The following TMEM63A variants were observed in gnomAD, a reference collection of about 807,000 sequenced individuals.
The protein encoded by TMEM63A is transmembrane protein 63A, also known as mechanosensitive cation channel TMEM63A.
In TMEM63A, 76 loss-of-function variants were observed where a neutral mutation model predicts 100.6. The observed-to-expected ratio is 0.76, with a 90% CI of 0.63 to 0.91. TMEM63A has a LOEUF of 0.91. TMEM63A is among the 40% of genes least tolerant of loss of function. TMEM63A has a pLI of 0.00. For synonymous variants in TMEM63A, 401 were observed against 401.1 expected, an observed-to-expected ratio of 1.00 and a Z score of 0.00; for missense variants, 876 against 1,008.8, an observed-to-expected ratio of 0.87 and a Z score of 1.78.
chr1:225,842,401 G>T, downstream of TMEM63A: 1 of 1,614,102 alleles, frequency 6.2e-7, no homozygotes, highest in Non-Finnish European at 8.5e-7. Flanking sequence ...GGGTCTGGCT[G>T]CCTATATTCT....
Position 225,867,066 on chromosome 1 carries a change from C to T in TMEM63A, c.566+46G>A, listed in dbSNP as rs754991890. ...CCCCGGGCTCCTGACCTGCCTTCTC[C>T]TTGATCTCACCCATCAGCACCTATC... On this transcript the variant is annotated intron_variant, in intron 8 of 24. Transcript: ENST00000366835. This position sits in a 1 kb window ranked among gnomAD's most constrained non-coding sequence, Gnocchi z 4.6. The T allele has an allele frequency of 7.5e-6, 12 of 1,610,462 alleles. No individual in the cohort carries two copies. In the East Asian group the frequency reaches 2.7e-4, roughly 36 times the overall value.
chr1:225,849,116 A>C (rs1669186741), intron 21 of TMEM63A, 104 bp from the exon 22 acceptor site: 3 of 851,726 alleles, frequency 3.5e-6, no homozygotes, highest in Non-Finnish European at 5.6e-6. Flanking sequence ...ACTGCCCGTG[A>C]CTTCTCCCTC....
chr1:225,869,766 G>A (rs986436882), intron 6 of TMEM63A, among the ~76,000 whole-genome samples: 3 of 147,760 alleles, frequency 2.0e-5, no homozygotes, highest in Non-Finnish European at 4.5e-5. Flanking sequence ...GGTTTCAAGC[G>A]ATTCTCCTGC....
At chr1:225,847,573 G>A (rs1485002637) in intron 23 of TMEM63A, 2 of 183,330 alleles carry the variant, frequency 1.1e-5, no homozygotes, top group African/African-American at 2.3e-5. Context: ...TGGGACCCCT[G>A]GGATGCTCAA....
chr1:225,867,793 G>T lies in TMEM63A; in HGVS notation c.514+95C>A. 6.7e-7 allele frequency: 1 copy of T among 1,491,814 alleles called. No individual in the cohort carries two copies. Among genetic ancestry groups the T allele is most frequent in the Non-Finnish European group, 9.1e-7 (1 of 1,095,586 alleles). The allele number at this position is 1,491,814 out of a possible 1,614,324, so 92.4% of individuals were successfully genotyped here. ...CCATCTTACATCTGAAGTGGGGCAT[G>T]ACTCCTGGGGTTCTGGTCTACCACA... On this transcript the variant is annotated intron_variant, in intron 7 of 24. Transcript: ENST00000366835. The surrounding 1 kb of genome is among the most constrained non-coding windows in gnomAD (Gnocchi z 4.6).
intron 6 of TMEM63A, among the ~76,000 whole-genome samples, chr1:225,870,833 G>A (rs1436510468): frequency 6.6e-6 from 1 of 152,152 alleles, no homozygotes; most frequent in East Asian, 1.9e-4. Context: ...GCTCCAGCAG[G>A]CACTGTGTGC....
rs769234281 is a variant in TMEM63A at position 225,853,628 on chromosome 1, C to A, written c.1797+1G>T. 1.3e-6 allele frequency: 2 copies of A among 1,559,534 alleles called. No homozygotes were observed. Among genetic ancestry groups the A allele is most frequent in the South Asian group, 1.2e-5 (1 of 84,078 alleles). The stretch of plus-strand genomic sequence containing the variant: ...ACAGCCCTGGGCCCAGGGGATGGCA[C>A]CTGCTTGACATTCCTGCGGTCAGCA... On this transcript the variant is annotated splice_donor_variant, in intron 19 of 24. Transcript: ENST00000366835. LOFTEE classifies it high-confidence loss of function. The surrounding 1 kb of genome is among the most constrained non-coding windows in gnomAD (Gnocchi z 4.0).
intron 16 of TMEM63A, 53 bp downstream of exon 16, chr1:225,856,858 C>T (rs1240701760): frequency 3.2e-6 from 5 of 1,586,076 alleles, no homozygotes; most frequent in East Asian, 2.2e-5. Flanking sequence ...GACAAGGGAG[C>T]GGTCAGAGAT....
intron 23 of TMEM63A, chr1:225,847,426 T>C: frequency 1.9e-6 from 1 of 535,658 alleles, no homozygotes; most frequent in Non-Finnish European, 3.3e-6. Flanking sequence ...AGTTATACAG[T>C]TCTCATGATC....
chr1:225,859,092 T>A lies in TMEM63A; in HGVS notation c.1377+104A>T. Reference sequence around the variant, plus strand: ...AGCTGAGCAACATGACCCACTGGTTTAGTTCCCCGCACACACCCCACTCCT... The same window carrying A: ...AGCTGAGCAACATGACCCACTGGTTAAGTTCCCCGCACACACCCCACTCCT... On this transcript the variant is annotated intron_variant, in intron 15 of 24. Coordinates refer to ENST00000366835, the MANE Select transcript of TMEM63A (RefSeq NM_014698.3). The A allele has an allele frequency of 2.0e-6, 3 of 1,519,824 alleles. No individual in the cohort carries two copies. In the South Asian group the frequency reaches 3.7e-5, roughly 19 times the overall value. 94.1% of individuals were successfully genotyped at this position (1,519,824 alleles called of 1,614,324 possible).
intron 14 of TMEM63A, 63 bp downstream of exon 14, chr1:225,860,797 G>A: frequency 6.6e-7 from 1 of 1,524,840 alleles, no homozygotes; most frequent in Non-Finnish European, 8.8e-7. Context: ...TGCTCCAGGT[G>A]ATGGGCAGCT....
At chr1:225,872,427 CT>C (rs1670553586) in intron 4 of TMEM63A, among the ~76,000 whole-genome samples, 2 of 152,156 alleles carry the variant, frequency 1.3e-5, no homozygotes, top group South Asian at 4.1e-4. Flanking sequence ...TAAGATACCA[CT>C]GGTTGTAATT....
In TMEM63A at chr1:225,866,633, G is replaced by C; in HGVS notation, c.616C>G (p.Leu206Val). The C allele has an allele frequency of 6.2e-7, 1 of 1,613,988 alleles. No homozygotes were observed. ...HTIFAVIYLF[L>V]TVGFMRHHTQ... is the part of the protein sequence containing the mutation. ...TGGTGCCGCATGAAACCCACAGTGA[G>C]GAAGAGGTAAATGACAGCAAAGATG... Residue 206 changes from leucine (L) to valine (V), a missense_variant, in exon 9 of 25, where the codon CTC becomes GTC. Physicochemically the swap from Leu to Val is conservative, Grantham distance 32. Around this residue, in one of 5 missense-constraint regions of TMEM63A, gnomAD observed 487 missense variants for 581.9 expected, o/e 0.84. Coordinates refer to ENST00000366835, the MANE Select transcript of TMEM63A (RefSeq NM_014698.3).
rs1669433848 is a variant in TMEM63A, at chr1:225,853,074, C to T, written c.1798-305G>A. Among the ~76,000 whole-genome samples, 1 of 152,154 alleles carries T rather than the reference C, an allele frequency of 6.6e-6. No individual in the cohort carries two copies. The highest frequency in any genetic ancestry group is 1.5e-5 in the Non-Finnish European group (1 of 68,002). ...GAGGTGTAGAGTGACTCCAGCCCTT[C>T]TAGCAGGGGATCCTGGGCCAGCTTA... On this transcript the variant is annotated intron_variant, in intron 19 of 24. Coordinates refer to ENST00000366835, the MANE Select transcript of TMEM63A (RefSeq NM_014698.3). The surrounding 1 kb of genome is among the most constrained non-coding windows in gnomAD (Gnocchi z 4.0).
chr1:225,857,157 C>A, intron 15 of TMEM63A, 140 bp from the exon 16 acceptor site: 1 of 635,196 alleles, frequency 1.6e-6, no homozygotes, highest in South Asian at 2.6e-5. Context: ...CAAAACTGTG[C>A]CAGGTACAGA....
chr1:225,859,649 G>GTTT (rs57486744), intron 14 of TMEM63A: 570 of 268,420 alleles, frequency 2.1e-3, no homozygotes, highest in South Asian at 4.2e-3. Flanking sequence ...TTCTTTTTCT[G>GTTT]TTTTTTTTTT....
rs1184965374 is a variant in TMEM63A at position 225,867,897 on chromosome 1, C to G, written c.505G>C (p.Asp169His). Reference sequence around the variant, plus strand: ...TGAGGAGGGTCATTACCCAGCAAGTCCCCTGAGAGGTTGACAGGCAGGATG... The same window carrying G: ...TGAGGAGGGTCATTACCCAGCAAGTGCCCTGAGAGGTTGACAGGCAGGATG... ...CVILPVNLSG[D>H]LLDKDPYSFG... Residue 169 changes from aspartate (D) to histidine (H), a missense_variant, in exon 7 of 25, where the codon GAC becomes CAC. Around this residue, in one of 5 missense-constraint regions of TMEM63A, gnomAD observed 487 missense variants for 581.9 expected, o/e 0.84. Transcript: ENST00000366835. The surrounding 1 kb of genome is among the most constrained non-coding windows in gnomAD (Gnocchi z 4.6). 3.1e-6 allele frequency: 5 copies of G among 1,613,990 alleles called. No homozygotes were observed. The Admixed American group carries it at 8.3e-5, about 27-fold the overall frequency.
intron 15 of TMEM63A, among the ~76,000 whole-genome samples, chr1:225,858,810 T>G (rs548452710): frequency 6.6e-6 from 1 of 152,198 alleles, no homozygotes; most frequent in Non-Finnish European, 1.5e-5. Flanking sequence ...TGCCACAAAA[T>G]CTATACAATT....
rs749059518 is a variant in TMEM63A at position 225,852,633 on chromosome 1, G to A, written c.1903+31C>T. The A allele has an allele frequency of 7.5e-6, 12 of 1,600,514 alleles. No individual in the cohort carries two copies. In the South Asian group the frequency reaches 1.2e-4, roughly 16 times the overall value. ...TGCAATCAGCCGTCCATGTACCCAT[G>A]TACCCTGGGACAGGCTCCAGGGCCA... On this transcript the variant is annotated intron_variant, in intron 20 of 24. Transcript: ENST00000366835.
Sources: allele counts gnomAD v4.1 joint callset (sites outside exome capture counted in the v4.1 genomes callset), GRCh38; gene constraint gnomAD v4.1.1; regional missense constraint gnomAD v4.1.1; non-coding constraint Gnocchi (gnomAD v3.1); transcripts MANE v1.5; gene names NCBI Gene and HGNC (gene_info 2026-07-23, HGNC 2026-07-21).